HK2: variants seen among roughly 807,000 people sequenced by gnomAD.
HK2 encodes hexokinase 2, also known as hexokinase-2.
HK2 carries 42 observed loss-of-function variants against 92.9 expected under a neutral mutation model. The ratio of observed to expected loss-of-function variants is 0.45; its 90% CI spans 0.35 to 0.58. HK2 has a LOEUF of 0.58. Ranked by LOEUF, HK2 falls within the 20% of genes least tolerant of loss-of-function variation. The pLI is 0.00. For missense variants in HK2, 978 were observed against 1,245.1 expected (o/e 0.79, Z 3.23); for synonymous variants, 422 against 468.0 (o/e 0.90, Z 1.27).
chr2:74,879,386 T>C (rs1369715366), intron 9 of HK2, among the ~76,000 whole-genome samples: 1 of 152,214 alleles, frequency 6.6e-6, no homozygotes, highest in Non-Finnish European at 1.5e-5. Context: ...ACATGTCAGC[T>C]GAGACCTGGA....
Position 74,849,855 on chromosome 2 carries a change from G to A in HK2, c.64-4438G>A, listed in dbSNP as rs1435581938. Among the ~76,000 whole-genome samples, 4 of 152,178 alleles carry A rather than the reference G, an allele frequency of 2.6e-5. No individual in the cohort carries two copies. The East Asian group carries it at 7.7e-4, about 29-fold the overall frequency. On this transcript the variant is annotated intron_variant, in intron 1 of 17. Coordinates refer to ENST00000290573, the MANE Select transcript of HK2 (RefSeq NM_000189.5). Reference sequence around the variant, plus strand: ...CACACCTGTACGAACGCTACCACTAGGATTTGCATACTGGTGTTTCTGATG... The same window carrying A: ...CACACCTGTACGAACGCTACCACTAAGATTTGCATACTGGTGTTTCTGATG...
intron 1 of HK2, among the ~76,000 whole-genome samples, chr2:74,840,395 G>A (rs918235361): frequency 7.2e-5 from 11 of 151,954 alleles, no homozygotes; most frequent in African/African-American, 2.7e-4. Context: ...GGAGTAAGGA[G>A]ATCTGATGAA....
At chr2:74,870,180 T>C (rs1689063171) in intron 3 of HK2, among the ~76,000 whole-genome samples, 1 of 152,050 alleles carries the variant, frequency 6.6e-6, no homozygotes, top group Admixed American at 6.6e-5. Flanking sequence ...GGCTAATTTT[T>C]TGAATTTTTA....
intron 3 of HK2, among the ~76,000 whole-genome samples, chr2:74,870,381 T>G (rs752996277): frequency 8.5e-5 from 13 of 152,128 alleles, no homozygotes; most frequent in Non-Finnish European, 1.8e-4. Flanking sequence ...GGGCAGTATT[T>G]AATGCTTCTT....
chr2:74,858,814 G>T (rs1055264859), intron 2 of HK2, among the ~76,000 whole-genome samples: 3 of 152,202 alleles, frequency 2.0e-5, no homozygotes, highest in Non-Finnish European at 4.4e-5. Flanking sequence ...TTTATTTGTG[G>T]TGGAGGCCTC....
intron 1 of HK2, among the ~76,000 whole-genome samples, chr2:74,848,044 T>C (rs1421771007): frequency 6.6e-6 from 1 of 152,226 alleles, no homozygotes; most frequent in Non-Finnish European, 1.5e-5. Flanking sequence ...CTGGAATTGG[T>C]AATTTCCCAG....
At chr2:74,885,872 AC>A (rs1689517138) in intron 13 of HK2, among the ~76,000 whole-genome samples, 7 of 151,676 alleles carry the variant, frequency 4.6e-5, no homozygotes, top group Non-Finnish European at 7.4e-5. Flanking sequence ...ACACACACAC[AC>A]ACACACACAC....
At chr2:74,857,289 G>A (rs955676543) in intron 2 of HK2, among the ~76,000 whole-genome samples, 10 of 152,224 alleles carry the variant, frequency 6.6e-5, no homozygotes, top group Admixed American at 2.0e-4. Flanking sequence ...TAGAACTATT[G>A]TGCTAGTCTA....
chr2:74,865,609 G>A (rs976304109), intron 2 of HK2, among the ~76,000 whole-genome samples: 2 of 152,100 alleles, frequency 1.3e-5, no homozygotes, highest in African/African-American at 4.8e-5. Flanking sequence ...CATGAGGCAG[G>A]CAGGCTAACC....
chr2:74,876,469 G>C (rs1218111865), intron 7 of HK2, among the ~76,000 whole-genome samples: 1 of 152,226 alleles, frequency 6.6e-6, no homozygotes, highest in Non-Finnish European at 1.5e-5. Flanking sequence ...GTGCCACCTA[G>C]TGTTAAAATT....
chr2:74,835,959 A>G (rs1187810174), intron 1 of HK2, among the ~76,000 whole-genome samples: 2 of 152,166 alleles, frequency 1.3e-5, no homozygotes, highest in African/African-American at 2.4e-5. Flanking sequence ...CCTCCAAGAA[A>G]AGCAGAAGTT....
chr2:74,860,099 G>T (rs1031500476), intron 2 of HK2, among the ~76,000 whole-genome samples: 1 of 151,560 alleles, frequency 6.6e-6, no homozygotes, highest in African/African-American at 2.4e-5. Context: ...TCACTTATAA[G>T]TGGGAGCTAA....
At chr2:74,844,633 A>G (rs1050312116) in intron 1 of HK2, among the ~76,000 whole-genome samples, 7 of 152,140 alleles carry the variant, frequency 4.6e-5, no homozygotes, top group African/African-American at 1.7e-4. Flanking sequence ...GGGAGTTCAG[A>G]TGCCACTGTG....
intron 1 of HK2, among the ~76,000 whole-genome samples, chr2:74,842,811 G>A (rs1019834873): frequency 6.6e-6 from 1 of 152,270 alleles, no homozygotes; most frequent in Non-Finnish European, 1.5e-5. Context: ...TCTCTGGGAT[G>A]CCTGGGACAT....
rs142108462 is a variant in HK2, at chr2:74,846,355, C to T, written c.64-7938C>T. On this transcript the variant is annotated intron_variant, in intron 1 of 17. Transcript: ENST00000290573. ...GCGTCTTTTGAATTGAAGTATAATGCACATGGGAAACTGAAAGCAGCAGGT... is the reference window on the plus strand; with the variant it reads ...GCGTCTTTTGAATTGAAGTATAATGTACATGGGAAACTGAAAGCAGCAGGT... Among the ~76,000 whole-genome samples, 302 of 152,062 alleles carry T rather than the reference C, an allele frequency of 2.0e-3. 3 individuals carry two copies. The highest frequency in any genetic ancestry group is 6.6e-3 in the African/African-American group (275 of 41,470).
intron 1 of HK2, among the ~76,000 whole-genome samples, chr2:74,841,280 C>A (rs1688310022): frequency 6.6e-6 from 1 of 151,268 alleles, no homozygotes; most frequent in South Asian, 2.1e-4. Flanking sequence ...GTGTGTGTTA[C>A]TGACATCTAG....
chr2:74,862,785 G>A (rs529166016), intron 2 of HK2, among the ~76,000 whole-genome samples: 13 of 152,294 alleles, frequency 8.5e-5, no homozygotes, highest in African/African-American at 1.4e-4. Context: ...ACACTTCCTT[G>A]CACTGAATCT....
chr2:74,880,713 T>C, intron 10 of HK2, 144 bp downstream of exon 10: 1 of 826,948 alleles, frequency 1.2e-6, no homozygotes, highest in Non-Finnish European at 2.0e-6. Context: ...TTCTAGTCTT[T>C]GATAAACTCA....
chr2:74,839,327 G>A (rs575439603), intron 1 of HK2, among the ~76,000 whole-genome samples: 1 of 152,264 alleles, frequency 6.6e-6, no homozygotes, highest in Admixed American at 6.5e-5. Flanking sequence ...CCTACCACGT[G>A]CCATTAGTCC....
Sources: gnomAD v4.1 joint callset for allele counts (sites outside exome capture counted in the v4.1 genomes callset) on GRCh38, gnomAD v4.1.1 for gene constraint, MANE v1.5 for transcripts, NCBI Gene and HGNC (gene_info 2026-07-23, HGNC 2026-07-21) for gene names.